The following PTPRD variants were observed in gnomAD, a reference collection of about 807,000 sequenced individuals.
PTPRD encodes protein tyrosine phosphatase receptor type D, also known as receptor-type tyrosine-protein phosphatase delta.
In PTPRD, 34 loss-of-function variants were observed where a neutral mutation model predicts 214.5. The observed-to-expected ratio is 0.16, with a 90% CI of 0.12 to 0.21. The LOEUF (loss-of-function observed/expected upper bound fraction) is 0.21, where lower values mean the gene tolerates loss of function less well. Ranked by LOEUF, PTPRD falls within the 10% of genes least tolerant of loss-of-function variation. The pLI, the probability that PTPRD is intolerant of heterozygous loss-of-function variation, is 1.00. For synonymous variants in PTPRD, 1,128 were observed against 845.7 expected, an observed-to-expected ratio of 1.33 and a Z score of -5.79; for missense variants, 2,545 against 2,398.7, an observed-to-expected ratio of 1.06 and a Z score of -1.27.
chr9:8,970,760 T>G (rs1303647500), intron 11 of PTPRD, among the ~76,000 whole-genome samples: 1 of 151,758 alleles, frequency 6.6e-6, no homozygotes, highest in Non-Finnish European at 1.5e-5. Context: ...CAAGCAAAAT[T>G]TTCAGTTGTT....
Position 8,480,392 on chromosome 9 carries a change from C to T in PTPRD, c.3413+3727G>A, listed in dbSNP as rs546167596. Among the ~76,000 whole-genome samples, 20 of 152,264 alleles carry T rather than the reference C, an allele frequency of 1.3e-4. No homozygotes were observed. In the East Asian group the frequency reaches 2.3e-3, roughly 18 times the overall value. On this transcript the variant is annotated intron_variant, in intron 30 of 45. Coordinates refer to ENST00000381196, the MANE Select transcript of PTPRD (RefSeq NM_002839.4). Reference sequence around the variant, plus strand: ...ACTAATAAGCCGGAGTTAGGAGCCTCGTCTACAGCCTCCCTTATCTATCTA... The same window carrying T: ...ACTAATAAGCCGGAGTTAGGAGCCTTGTCTACAGCCTCCCTTATCTATCTA...
intron 10 of PTPRD, among the ~76,000 whole-genome samples, chr9:9,019,996 C>G (rs1415925589): frequency 6.6e-6 from 1 of 152,002 alleles, no homozygotes; most frequent in Non-Finnish European, 1.5e-5. Flanking sequence ...AAAATAACAA[C>G]TGATCTTGAG....
At chr9:9,937,888 T>A (rs2090126394) in intron 5 of PTPRD, among the ~76,000 whole-genome samples, 1 of 152,202 alleles carries the variant, frequency 6.6e-6, no homozygotes, top group African/African-American at 2.4e-5. Context: ...TATTAATGTT[T>A]CTACATGATG....
At chr9:10,591,195 T>A (rs1425517916) in intron 2 of PTPRD, among the ~76,000 whole-genome samples, 1 of 151,964 alleles carries the variant, frequency 6.6e-6, no homozygotes, top group Non-Finnish European at 1.5e-5. Flanking sequence ...AAAGGCAGGG[T>A]GGCATTTCTT....
At chr9:9,213,511 T>C (rs1008752605) in intron 9 of PTPRD, among the ~76,000 whole-genome samples, 4 of 138,522 alleles carry the variant, frequency 2.9e-5, no homozygotes, top group African/African-American at 9.9e-5. Flanking sequence ...CCTGTTTTCC[T>C]GGTTTTTTGT....
chr9:9,366,274 T>C (rs966318211), intron 9 of PTPRD, among the ~76,000 whole-genome samples: 3 of 151,602 alleles, frequency 2.0e-5, no homozygotes, highest in Non-Finnish European at 4.4e-5. Context: ...TAAGCAGGGA[T>C]TCTTTTTGGT....
chr9:9,912,120 G>A (rs572969083), intron 5 of PTPRD, among the ~76,000 whole-genome samples: 1 of 152,174 alleles, frequency 6.6e-6, no homozygotes, highest in South Asian at 2.1e-4. Flanking sequence ...ATAAAACCTT[G>A]ATGGAAATTC....
intron 9 of PTPRD, among the ~76,000 whole-genome samples, chr9:9,342,274 C>T (rs543395147): frequency 6.6e-6 from 1 of 152,090 alleles, no homozygotes; most frequent in Non-Finnish European, 1.5e-5. Flanking sequence ...AACATATTTT[C>T]ATGTAGTATT....
chr9:9,473,577 A>G (rs1351640936), intron 8 of PTPRD, among the ~76,000 whole-genome samples: 1 of 152,148 alleles, frequency 6.6e-6, no homozygotes, highest in Non-Finnish European at 1.5e-5. Context: ...CTGCTGTACT[A>G]ATTTACATTC....
At chr9:9,096,548 T>C (rs1191427646) in intron 10 of PTPRD, among the ~76,000 whole-genome samples, 1 of 152,226 alleles carries the variant, frequency 6.6e-6, no homozygotes, top group African/African-American at 2.4e-5. Flanking sequence ...AGATATAGAT[T>C]ATATTTTCCA....
chr9:10,447,282 A>G (rs898687368), intron 2 of PTPRD, among the ~76,000 whole-genome samples: 2 of 152,042 alleles, frequency 1.3e-5, no homozygotes, highest in African/African-American at 4.8e-5. Flanking sequence ...ATGCAGAGAA[A>G]TAATTGTCAT....
At chr9:10,487,629 A>T (rs1020906032) in intron 2 of PTPRD, among the ~76,000 whole-genome samples, 2 of 151,770 alleles carry the variant, frequency 1.3e-5, no homozygotes, top group African/African-American at 4.8e-5. Context: ...GCATGTTCTC[A>T]CTCATAAGTG....
chr9:9,428,083 G>A (rs920472916), intron 8 of PTPRD, among the ~76,000 whole-genome samples: 4 of 152,076 alleles, frequency 2.6e-5, no homozygotes, highest in African/African-American at 9.7e-5. Context: ...AAATGTATAT[G>A]GGCTAAATGT....
At chr9:10,534,379 A>G (rs2057239220) in intron 2 of PTPRD, among the ~76,000 whole-genome samples, 1 of 152,104 alleles carries the variant, frequency 6.6e-6, no homozygotes, top group Non-Finnish European at 1.5e-5. Context: ...CTTTCATGAT[A>G]AAATATTTTA....
At chr9:8,683,039 C>CAT (rs1323850545) in intron 12 of PTPRD, among the ~76,000 whole-genome samples, 1 of 152,138 alleles carries the variant, frequency 6.6e-6, no homozygotes, top group Non-Finnish European at 1.5e-5. Flanking sequence ...CAACAGTTAC[C>CAT]TTAATCACTG....
chr9:8,499,580 A>G, intron 25 of PTPRD, 67 bp downstream of exon 25: 2 of 1,512,256 alleles, frequency 1.3e-6, no homozygotes, highest in South Asian at 2.6e-5. Context: ...AATAAGAGCA[A>G]TTTCAGGATA....
intron 12 of PTPRD, among the ~76,000 whole-genome samples, chr9:8,640,605 A>ATCT: frequency 6.6e-6 from 1 of 150,736 alleles, no homozygotes; most frequent in Middle Eastern, 3.4e-3. Context: ...TCTTAAATTT[A>ATCT]TTCTTTGAAA....
At chr9:8,769,535 G>C (rs1035836780) in intron 11 of PTPRD, among the ~76,000 whole-genome samples, 3 of 152,146 alleles carry the variant, frequency 2.0e-5, no homozygotes, top group Non-Finnish European at 4.4e-5. Flanking sequence ...CTTGCAAGTA[G>C]TGGAAAACTG....
At chr9:8,725,201 T>G (rs1463448358) in intron 12 of PTPRD, among the ~76,000 whole-genome samples, 1 of 152,218 alleles carries the variant, frequency 6.6e-6, no homozygotes, top group Non-Finnish European at 1.5e-5. Flanking sequence ...AAGCTGTGGA[T>G]TACTTTTCAG....
Sources: allele counts gnomAD v4.1 joint callset (sites outside exome capture counted in the v4.1 genomes callset), GRCh38; gene constraint gnomAD v4.1.1; transcripts MANE v1.5; gene names NCBI Gene and HGNC (gene_info 2026-07-23, HGNC 2026-07-21).